Variants in PPIL4 observed in about 807,000 individuals in gnomAD.
The protein encoded by PPIL4 is peptidyl-prolyl cis-trans isomerase-like 4.
PPIL4 carries 50 observed loss-of-function variants against 69.1 expected under a neutral mutation model. That is an observed-to-expected ratio of 0.72 (90% confidence interval 0.58 to 0.92). PPIL4 has a LOEUF of 0.92. Ranked by LOEUF, PPIL4 falls within the 40% of genes least tolerant of loss-of-function variation. PPIL4 has a pLI of 0.00. For missense variants in PPIL4, 480 were observed against 587.9 expected (o/e 0.82, Z 1.90); for synonymous variants, 193 against 191.6 (o/e 1.01, Z -0.06).
At chr6:149,538,753 G>A (rs1777317257) in intron 4 of PPIL4, among the ~76,000 whole-genome samples, 2 of 152,168 alleles carry the variant, frequency 1.3e-5, no homozygotes, top group Admixed American at 1.3e-4. Context: ...ATTAGAAGTA[G>A]AGCCTGAAGA....
At chr6:149,508,691 G>A (rs918707431) in intron 12 of PPIL4, among the ~76,000 whole-genome samples, 3 of 152,140 alleles carry the variant, frequency 2.0e-5, no homozygotes, top group African/African-American at 7.2e-5. Flanking sequence ...ATACTTCTCA[G>A]CAAGGCAACC....
intron 8 of PPIL4, among the ~76,000 whole-genome samples, chr6:149,525,822 C>T (rs1023840373): frequency 2.0e-5 from 3 of 152,090 alleles, no homozygotes; most frequent in African/African-American, 4.8e-5. Flanking sequence ...TTTTAAAAGC[C>T]GGGCGCAGTG....
intron 11 of PPIL4, among the ~76,000 whole-genome samples, chr6:149,513,176 A>G (rs2115028007): frequency 6.8e-6 from 1 of 148,144 alleles, no homozygotes; most frequent in East Asian, 2.0e-4. Context: ...ACTCGAGGCC[A>G]GGAGTTCGAG....
chr6:149,508,488 G>T (rs1253654537), intron 12 of PPIL4, among the ~76,000 whole-genome samples: 2 of 152,088 alleles, frequency 1.3e-5, no homozygotes, highest in East Asian at 3.8e-4. Flanking sequence ...CCTAGCAAAT[G>T]ACTTGAAATA....
chr6:149,506,742 G>A (rs1458979588), intron 12 of PPIL4, among the ~76,000 whole-genome samples: 2 of 152,060 alleles, frequency 1.3e-5, no homozygotes, highest in African/African-American at 4.8e-5. Flanking sequence ...CCACAGGCAT[G>A]TGCCATCACA....
At chr6:149,545,631 G>A (rs188430075) in intron 1 of PPIL4, among the ~76,000 whole-genome samples, 1 of 152,222 alleles carries the variant, frequency 6.6e-6, no homozygotes, top group East Asian at 1.9e-4. Context: ...GGTATTGTAT[G>A]TGCAGCTCGA....
Position 149,533,499 on chromosome 6 carries a change from CCTTT to C in PPIL4, c.633_636del (p.Ile211MetfsTer36). On this transcript the variant is annotated frameshift_variant, in exon 7 of 13. Transcript: ENST00000253329. LOFTEE classifies it high-confidence loss of function. ...GCCTGAGTTTTAGCCTCTTTTTCTGCCTTTATTTCTTCTACTTCCTCAGCTGATC... is the reference window on the plus strand; with the variant it reads ...GCCTGAGTTTTAGCCTCTTTTTCTGCATTTCTTCTACTTCCTCAGCTGATC... The C allele has an allele frequency of 6.2e-7, 1 of 1,610,966 alleles. No homozygotes were observed.
At chr6:149,540,095 C>T (rs1285678303) in intron 4 of PPIL4, among the ~76,000 whole-genome samples, 2 of 151,912 alleles carry the variant, frequency 1.3e-5, no homozygotes, top group Non-Finnish European at 2.9e-5. Flanking sequence ...CACCACTGCA[C>T]TCCAGCCTGG....
chr6:149,535,312 C>T (rs1300908764), intron 5 of PPIL4, among the ~76,000 whole-genome samples: 4 of 152,084 alleles, frequency 2.6e-5, no homozygotes, highest in Non-Finnish European at 5.9e-5. Flanking sequence ...GCCAAGATCG[C>T]GCCACTGCAC....
chr6:149,530,837 A>G (rs1304411798), intron 7 of PPIL4, among the ~76,000 whole-genome samples: 1 of 152,178 alleles, frequency 6.6e-6, no homozygotes, highest in Non-Finnish European at 1.5e-5. Flanking sequence ...GGGAAATTTG[A>G]CAAGGAACAA....
chr6:149,512,591 G>A (rs1321682062), intron 11 of PPIL4, among the ~76,000 whole-genome samples: 2 of 152,004 alleles, frequency 1.3e-5, no homozygotes, highest in African/African-American at 4.8e-5. Context: ...TTTAAATTTA[G>A]AAAATGAGGG....
intron 5 of PPIL4, among the ~76,000 whole-genome samples, chr6:149,535,299 T>A (rs1777258991): frequency 6.6e-6 from 1 of 152,164 alleles, no homozygotes; most frequent in South Asian, 2.1e-4. Context: ...GAGCTTGCAG[T>A]GAGCCAAGAT....
intron 10 of PPIL4, among the ~76,000 whole-genome samples, chr6:149,519,019 T>C (rs1285735286): frequency 2.6e-5 from 4 of 152,234 alleles, no homozygotes; most frequent in African/African-American, 4.8e-5. Context: ...TAACTGAGAA[T>C]AATAAACTGT....
intron 5 of PPIL4, 74 bp from the exon 6 acceptor site, chr6:149,534,848 C>CA (rs1412914096): frequency 1.1e-6 from 1 of 872,968 alleles, no homozygotes; most frequent in Non-Finnish European, 1.7e-6. Context: ...TAATAGATTA[C>CA]AAAAAATTAC....
At chr6:149,521,401 G>A (rs1208984144) in intron 9 of PPIL4, among the ~76,000 whole-genome samples, 6 of 152,180 alleles carry the variant, frequency 3.9e-5, no homozygotes, top group East Asian at 1.9e-4. Context: ...GAGAAGTATA[G>A]AAGTTGTTGG....
intron 9 of PPIL4, among the ~76,000 whole-genome samples, chr6:149,521,481 C>T (rs1249355659): frequency 6.6e-6 from 1 of 152,182 alleles, no homozygotes; most frequent in Non-Finnish European, 1.5e-5. Flanking sequence ...CACTTACTGA[C>T]TGTATTATAC....
In PPIL4 at chr6:149,512,317, T is replaced by C; in HGVS notation, c.1080-15A>G. The C allele has an allele frequency of 6.3e-7, 1 of 1,594,886 alleles. No individual in the cohort carries two copies. The highest frequency in any genetic ancestry group is 8.6e-7 in the Non-Finnish European group (1 of 1,165,792). The stretch of plus-strand genomic sequence containing the variant: ...CGTATTTTGTACTGCAGTAGTTAGT[T>C]AAGGATAAATGTGATAAATAATACT... On this transcript the variant is annotated splice_polypyrimidine_tract_variant and intron_variant, in intron 11 of 12. Coordinates refer to ENST00000253329, the MANE Select transcript of PPIL4 (RefSeq NM_139126.4).
At chr6:149,516,440 C>T (rs1776945308) in intron 11 of PPIL4, among the ~76,000 whole-genome samples, 1 of 152,018 alleles carries the variant, frequency 6.6e-6, no homozygotes, top group Non-Finnish European at 1.5e-5. Context: ...ATTCATCTTT[C>T]TTGATGAGTA....
chr6:149,517,200 G>A, intron 11 of PPIL4, 154 bp downstream of exon 11: 5 of 594,484 alleles, frequency 8.4e-6, no homozygotes, highest in Non-Finnish European at 1.5e-5. Flanking sequence ...CTTGAAAAGA[G>A]ATAATGATAA....
Sources: allele counts gnomAD v4.1 joint callset (sites outside exome capture counted in the v4.1 genomes callset), GRCh38; gene constraint gnomAD v4.1.1; transcripts MANE v1.5; gene names NCBI Gene and HGNC (gene_info 2026-07-23, HGNC 2026-07-21).